Variants in DENND1A observed in about 807,000 individuals in gnomAD.
DENND1A encodes DENN domain containing 1A.
In DENND1A, 51 loss-of-function variants were observed where a neutral mutation model predicts 113.7. That is an observed-to-expected ratio of 0.45 (90% CI 0.36 to 0.57). DENND1A has a LOEUF of 0.57. Ranked by LOEUF, DENND1A falls within the 20% of genes least tolerant of loss-of-function variation. DENND1A has a pLI of 0.00. For synonymous variants in DENND1A, 565 were observed against 570.8 expected (o/e 0.99, Z 0.14); for missense variants, 1,258 against 1,395.9 (o/e 0.90, Z 1.57).
In DENND1A at chr9:123,382,030, A is replaced by C; in HGVS notation, c.2615T>G (p.Phe872Cys). The change falls in exon 24 of 24, where the codon TTC (phenylalanine) becomes TGC (cysteine). Residue 872 changes from phenylalanine to cysteine, a missense_variant. Around this residue, in one of 2 missense-constraint regions of DENND1A, gnomAD observed 1,159 missense variants for 1,231.7 expected, o/e 0.94. Coordinates refer to ENST00000394215, the MANE Select transcript of DENND1A (RefSeq NM_001352964.2). ...RPATPNVATP[F>C]TPQFSFPPAG... Reference sequence around the variant, plus strand: ...AGGGGGGAAGCTGAATTGGGGGGTGAATGGGGTGGCTACATTCGGGGTGGC... The same window carrying C: ...AGGGGGGAAGCTGAATTGGGGGGTGCATGGGGTGGCTACATTCGGGGTGGC... The C allele has an allele frequency of 6.8e-7, 1 of 1,474,264 alleles. No individual in the cohort carries two copies. Among genetic ancestry groups the C allele is most frequent in the Non-Finnish European group, 9.0e-7 (1 of 1,113,822 alleles). 91.3% of individuals were successfully genotyped at this position (1,474,264 alleles called of 1,614,324 possible).
intron 5 of DENND1A, among the ~76,000 whole-genome samples, chr9:123,683,355 A>G (rs1005734429): frequency 6.6e-6 from 1 of 152,216 alleles, no homozygotes; most frequent in Non-Finnish European, 1.5e-5. Flanking sequence ...ACCTTCGGGA[A>G]ACTGAAGTCC....
intron 5 of DENND1A, among the ~76,000 whole-genome samples, chr9:123,691,405 G>A (rs12336857): frequency 0.27 from 40,626 of 152,002 alleles, 6,314 homozygotes; most frequent in African/African-American, 0.43. Flanking sequence ...AGTGAGGAAG[G>A]CGAACTGGAT....
chr9:123,771,951 T>C (rs555285965), intron 3 of DENND1A, among the ~76,000 whole-genome samples: 2 of 152,256 alleles, frequency 1.3e-5, no homozygotes, highest in African/African-American at 4.8e-5. Context: ...TTTGTGATAT[T>C]ACAAGAGCTT....
intron 2 of DENND1A, among the ~76,000 whole-genome samples, chr9:123,827,857 G>C (rs1353392507): frequency 6.6e-6 from 1 of 152,040 alleles, no homozygotes; most frequent in African/African-American, 2.4e-5. Context: ...TGGAGCAAGG[G>C]GATGAGACAA....
chr9:123,634,294 C>T (rs1185757395), intron 9 of DENND1A, among the ~76,000 whole-genome samples: 2 of 152,190 alleles, frequency 1.3e-5, no homozygotes, highest in African/African-American at 4.8e-5. Flanking sequence ...CAAATTTCTG[C>T]AATCGGGGTA....
At chr9:123,428,136 T>C (rs2045881781) in intron 19 of DENND1A, among the ~76,000 whole-genome samples, 1 of 147,448 alleles carries the variant, frequency 6.8e-6, no homozygotes, top group African/African-American at 2.6e-5. Flanking sequence ...AAACCCTGTC[T>C]CTACAAAAAA....
chr9:123,923,219 G>A (rs182139174), intron 1 of DENND1A, among the ~76,000 whole-genome samples: 1 of 152,340 alleles, frequency 6.6e-6, no homozygotes, highest in East Asian at 1.9e-4. Flanking sequence ...CCTATCTGCT[G>A]TACAATGCCC....
intron 13 of DENND1A, among the ~76,000 whole-genome samples, chr9:123,530,417 A>C (rs1305658586): frequency 6.6e-6 from 1 of 152,246 alleles, no homozygotes; most frequent in South Asian, 2.1e-4. Flanking sequence ...CAAAAGGAAA[A>C]TAATTGTCAA....
chr9:123,414,607 C>G, intron 19 of DENND1A: 1 of 1,550,386 alleles, frequency 6.5e-7, no homozygotes, highest in Non-Finnish European at 8.7e-7. Flanking sequence ...ATAGCAAAGG[C>G]TGGTGAGTCT....
intron 10 of DENND1A, among the ~76,000 whole-genome samples, chr9:123,616,820 A>T (rs974498510): frequency 6.6e-6 from 1 of 152,254 alleles, no homozygotes; most frequent in Non-Finnish European, 1.5e-5. Context: ...AACAGGTATC[A>T]CTAATATCAG....
At chr9:123,658,021 G>A (rs908976799) in intron 8 of DENND1A, among the ~76,000 whole-genome samples, 1 of 151,868 alleles carries the variant, frequency 6.6e-6, no homozygotes, top group Non-Finnish European at 1.5e-5. Context: ...CTCTATAATC[G>A]CAGTTCTTGA....
intron 21 of DENND1A, among the ~76,000 whole-genome samples, chr9:123,389,261 CAA>C (rs1379966700): frequency 6.6e-6 from 1 of 152,220 alleles, no homozygotes; most frequent in Non-Finnish European, 1.5e-5. Context: ...GCTGGCCAGG[CAA>C]AGAGTTTTGT....
intron 8 of DENND1A, among the ~76,000 whole-genome samples, chr9:123,663,423 T>C (rs1331448930): frequency 6.6e-6 from 1 of 152,196 alleles, no homozygotes; most frequent in Non-Finnish European, 1.5e-5. Flanking sequence ...ATTATTATAG[T>C]TTTCGTTCAC....
intron 13 of DENND1A, among the ~76,000 whole-genome samples, chr9:123,499,683 T>G (rs2052293051): frequency 6.6e-6 from 1 of 152,216 alleles, no homozygotes; most frequent in South Asian, 2.1e-4. Context: ...CACCACCATC[T>G]TCTCCTGCTT....
At chr9:123,636,620 G>A (rs1160094698) in intron 9 of DENND1A, among the ~76,000 whole-genome samples, 1 of 151,576 alleles carries the variant, frequency 6.6e-6, no homozygotes, top group Non-Finnish European at 1.5e-5. Flanking sequence ...ACACAGAGTC[G>A]GTGCTGAGTA....
intron 13 of DENND1A, among the ~76,000 whole-genome samples, chr9:123,467,866 A>G (rs2049085260): frequency 6.6e-6 from 1 of 151,972 alleles, no homozygotes. Context: ...CACCCTGTCC[A>G]CCTCACTCAC....
intron 2 of DENND1A, among the ~76,000 whole-genome samples, chr9:123,807,339 C>G (rs1339554595): frequency 4.6e-5 from 7 of 152,188 alleles, no homozygotes; most frequent in Admixed American, 3.3e-4. Context: ...CCCCATCTGC[C>G]TCTTCCAGGA....
At position 123,452,298 on chromosome 9, in the gene DENND1A, G is replaced by A. The variant is rs1182640439; in HGVS notation, c.1277C>T (p.Ala426Val). The change falls in exon 17 of 24, where the codon GCC becomes GTC. Residue 426 changes from alanine (A) to valine (V), a missense_variant. Coordinates refer to ENST00000394215, the MANE Select transcript of DENND1A (RefSeq NM_001352964.2). Reference protein sequence around the residue: ...LNTVKTKANPAMKTVYKFAKD... With the variant: ...LNTVKTKANPVMKTVYKFAKD... ...TACGAACTTGTAGACAGTCTTCATG[G>A]CCGGATTTGCTTTGGTCTTTACAGT... 1.9e-6 allele frequency: 3 copies of A among 1,614,078 alleles called. No homozygotes were observed. Among genetic ancestry groups the A allele is most frequent in the Non-Finnish European group, 2.5e-6 (3 of 1,180,036 alleles).
At chr9:123,686,480 A>C (rs2064818729) in intron 5 of DENND1A, among the ~76,000 whole-genome samples, 1 of 152,222 alleles carries the variant, frequency 6.6e-6, no homozygotes, top group South Asian at 2.1e-4. Flanking sequence ...CCTCGGCTCC[A>C]AGTGTTCTGA....
Sources: allele counts gnomAD v4.1 joint callset (sites outside exome capture counted in the v4.1 genomes callset), GRCh38; gene constraint gnomAD v4.1.1; regional missense constraint gnomAD v4.1.1; transcripts MANE v1.5; gene names NCBI Gene and HGNC (gene_info 2026-07-23, HGNC 2026-07-21).